The following GLYATL2 variants were observed in gnomAD, a reference collection of about 807,000 sequenced individuals.
The protein encoded by GLYATL2 is glycine N-acyltransferase-like protein 2.
GLYATL2 carries 25 observed loss-of-function variants against 21.4 expected under a neutral mutation model. The observed-to-expected ratio is 1.17, with a 90% CI of 0.85 to 1.63. The LOEUF (loss-of-function observed/expected upper bound fraction) is 1.63. Among genes scored for constraint, GLYATL2 ranks in the 40% most tolerant of loss-of-function variants. The pLI is 0.00. For missense variants in GLYATL2, 361 were observed against 343.3 expected (o/e 1.05, Z -0.41); for synonymous variants, 114 against 118.2 (o/e 0.96, Z 0.23).
At position 58,867,146 on chromosome 11, in the gene GLYATL2, G is replaced by C. The variant is rs1319040484; in HGVS notation, n.61-28778C>G. ...AGGGCCTCATAGGGATTCAAAGATG[G>C]CCAGCTCATTGCCACTCTTTGTAGT... On this transcript the variant is annotated intron_variant and non_coding_transcript_variant, in intron 1 of 4. Transcript: ENST00000533636. 1.3e-5 allele frequency among the ~76,000 whole-genome samples: 2 copies of C among 148,856 alleles called. 1 individual carries two copies. Among genetic ancestry groups the C allele is most frequent in the Non-Finnish European group, 3.0e-5 (2 of 67,080 alleles).
In GLYATL2 at chr11:58,839,646, AGAT is replaced by A; in HGVS notation, c.-37_-35del. 6.7e-7 allele frequency: 1 copy of A among 1,503,116 alleles called. No homozygotes were observed. The highest frequency in any genetic ancestry group is 9.2e-7 in the Non-Finnish European group (1 of 1,088,382). 93.1% of individuals were successfully genotyped at this position (1,503,116 alleles called of 1,614,324 possible). On this transcript the variant is annotated 5_prime_UTR_variant, in exon 2 of 6. Coordinates refer to ENST00000287275, the MANE Select transcript of GLYATL2 (RefSeq NM_145016.4). ...GCACTTCAGCTTCTTTCCCTCAAGA[AGAT>A]GATCTAAGGAAATAAACACAAAAAC...
chr11:58,836,122 A>G (rs1435829915), intron 5 of GLYATL2, among the ~76,000 whole-genome samples: 2 of 152,184 alleles, frequency 1.3e-5, no homozygotes, highest in African/African-American at 4.8e-5. Flanking sequence ...TAATGCCAAC[A>G]TATTTTTTAC....
chr11:58,903,007 C>T (rs934837943), intron 1 of GLYATL2, among the ~76,000 whole-genome samples: 2 of 152,172 alleles, frequency 1.3e-5, no homozygotes, highest in Non-Finnish European at 2.9e-5. Flanking sequence ...ACCTATAGCT[C>T]TAGGTAGTTA....
chr11:58,887,602 T>C (rs1049019748), intron 1 of GLYATL2, among the ~76,000 whole-genome samples: 2 of 152,162 alleles, frequency 1.3e-5, no homozygotes, highest in Non-Finnish European at 2.9e-5. Flanking sequence ...TCACTGATGA[T>C]CTCTTCTGTC....
upstream of GLYATL2, among the ~76,000 whole-genome samples, chr11:58,849,087 T>G (rs1232627665): frequency 1.3e-5 from 2 of 152,088 alleles, no homozygotes; most frequent in East Asian, 3.8e-4. Flanking sequence ...GAATATTATC[T>G]CACAAAAATA....
intron 1 of GLYATL2, among the ~76,000 whole-genome samples, chr11:58,881,320 G>A (rs2134611895): frequency 6.6e-6 from 1 of 152,320 alleles, no homozygotes; most frequent in East Asian, 1.9e-4. Flanking sequence ...TTTGGAACCA[G>A]CCTAAGCTTT....
intron 1 of GLYATL2, among the ~76,000 whole-genome samples, chr11:58,880,274 T>A (rs10750905): frequency 0.89 from 134,770 of 152,168 alleles, 60,891 homozygotes; most frequent in Non-Finnish European, 0.98. Context: ...TTTGGGTAGA[T>A]GTTAGAAGCT....
At chr11:58,888,212 A>G (rs1213755433) in intron 1 of GLYATL2, among the ~76,000 whole-genome samples, 1 of 152,102 alleles carries the variant, frequency 6.6e-6, no homozygotes, top group African/African-American at 2.4e-5. Flanking sequence ...GATACTAGGG[A>G]TACTAACACA....
intron 3 of GLYATL2, 134 bp downstream of exon 3, chr11:58,838,127 C>G (rs1419369020): frequency 3.4e-5 from 20 of 593,176 alleles, no homozygotes; most frequent in Non-Finnish European, 6.1e-5. Flanking sequence ...GTCTCCCAAA[C>G]AGCCCTTCCA....
upstream of GLYATL2, among the ~76,000 whole-genome samples, chr11:58,847,360 C>G (rs772214307): frequency 6.6e-6 from 1 of 152,210 alleles, no homozygotes; most frequent in Non-Finnish European, 1.5e-5. Flanking sequence ...GGTGCCAGCA[C>G]AGCCACAGCA....
At chr11:58,843,571 G>A (rs1367882595) in intron 1 of GLYATL2, among the ~76,000 whole-genome samples, 1 of 152,092 alleles carries the variant, frequency 6.6e-6, no homozygotes, top group Admixed American at 6.6e-5. Context: ...TGAATATATA[G>A]AAATGAGAGA....
At chr11:58,894,062 G>A (rs1364364157) in intron 1 of GLYATL2, among the ~76,000 whole-genome samples, 1 of 152,194 alleles carries the variant, frequency 6.6e-6, no homozygotes, top group African/African-American at 2.4e-5. Flanking sequence ...CTCTGCTATG[G>A]AAATGACACT....
chr11:58,856,923 A>G (rs1182483728), intron 1 of GLYATL2, among the ~76,000 whole-genome samples: 4 of 152,228 alleles, frequency 2.6e-5, no homozygotes, highest in Admixed American at 6.5e-5. Context: ...TGCTTGATGC[A>G]GGGTTGACAC....
At chr11:58,872,071 T>A (rs1272689545) in intron 1 of GLYATL2, among the ~76,000 whole-genome samples, 2 of 152,270 alleles carry the variant, frequency 1.3e-5, no homozygotes, top group Non-Finnish European at 2.9e-5. Context: ...TTTGGCTGCA[T>A]AAATGTCTTC....
intron 1 of GLYATL2, among the ~76,000 whole-genome samples, chr11:58,897,438 G>A (rs964944983): frequency 1.3e-5 from 2 of 152,164 alleles, no homozygotes; most frequent in Middle Eastern, 3.4e-3. Context: ...AAACCTATAA[G>A]GGTGCCAACC....
At chr11:58,858,257 C>A (rs1000406965) in intron 1 of GLYATL2, among the ~76,000 whole-genome samples, 7 of 152,166 alleles carry the variant, frequency 4.6e-5, no homozygotes, top group Non-Finnish European at 1.0e-4. Context: ...GTTCTGACAA[C>A]TGGAGATGAG....
At chr11:58,893,079 C>G (rs1399673157) in intron 1 of GLYATL2, 3 of 398,000 alleles carry the variant, frequency 7.5e-6, no homozygotes, top group African/African-American at 6.3e-5. Flanking sequence ...AGCTGGGTGT[C>G]TCTTATTCTG....
At chr11:58,900,222 C>T (rs1427769098) in intron 1 of GLYATL2, among the ~76,000 whole-genome samples, 1 of 152,160 alleles carries the variant, frequency 6.6e-6, no homozygotes, top group Non-Finnish European at 1.5e-5. Context: ...CAGTGATTCG[C>T]AGGACATGCA....
intron 1 of GLYATL2, among the ~76,000 whole-genome samples, chr11:58,882,524 T>C (rs2134613326): frequency 6.6e-6 from 1 of 152,344 alleles, no homozygotes; most frequent in South Asian, 2.1e-4. Context: ...TTCCCCATTC[T>C]GTAGGTTGCC....
Sources: gnomAD v4.1 joint callset for allele counts (sites outside exome capture counted in the v4.1 genomes callset) on GRCh38, gnomAD v4.1.1 for gene constraint, MANE v1.5 for transcripts, NCBI Gene and HGNC (gene_info 2026-07-23, HGNC 2026-07-21) for gene names.